The following GOT1 variants were observed in gnomAD, a reference collection of about 807,000 sequenced individuals.
GOT1 encodes aspartate aminotransferase, cytoplasmic.
GOT1 carries 25 observed loss-of-function variants against 48.2 expected under a neutral mutation model. The observed-to-expected ratio is 0.52, with a 90% CI of 0.38 to 0.72. GOT1 has a LOEUF of 0.72. Ranked by LOEUF, GOT1 falls within the 30% of genes least tolerant of loss-of-function variation. GOT1 has a pLI of 0.00. For synonymous variants in GOT1, 188 were observed against 193.8 expected, an observed-to-expected ratio of 0.97 and a Z score of 0.25; for missense variants, 380 against 520.1, an observed-to-expected ratio of 0.73 and a Z score of 2.62.
chr10:99,409,217 C>T (rs1053664447), intron 2 of GOT1, among the ~76,000 whole-genome samples: 8 of 151,952 alleles, frequency 5.3e-5, no homozygotes, highest in African/African-American at 1.9e-4. Context: ...ACTGCAACCT[C>T]CGCCTCCTGG....
chr10:99,425,816 G>A (rs768541449), intron 1 of GOT1, among the ~76,000 whole-genome samples: 1 of 152,134 alleles, frequency 6.6e-6, no homozygotes, highest in East Asian at 1.9e-4. Context: ...CTGAATTTGA[G>A]GGAGTTGTAG....
chr10:99,398,635 C>T (rs1363221221), intron 8 of GOT1, among the ~76,000 whole-genome samples: 1 of 151,848 alleles, frequency 6.6e-6, no homozygotes, highest in Non-Finnish European at 1.5e-5. Context: ...CACACCACTG[C>T]ACTCCAGCCT....
intron 5 of GOT1, among the ~76,000 whole-genome samples, chr10:99,405,248 A>G (rs892481873): frequency 3.3e-5 from 5 of 152,314 alleles, no homozygotes; most frequent in African/African-American, 1.2e-4. Context: ...CCCACCTAGA[A>G]AGTTACGCCA....
intron 3 of GOT1, 138 bp downstream of exon 3, chr10:99,406,588 C>T: frequency 1.3e-6 from 1 of 778,116 alleles, no homozygotes. Context: ...TCATGCACTG[C>T]CATAACCCAC....
At chr10:99,403,362 T>C in intron 7 of GOT1, 107 bp downstream of exon 7, 4 of 922,654 alleles carry the variant, frequency 4.3e-6, no homozygotes, top group Non-Finnish European at 6.7e-6. Flanking sequence ...AAAGTAATTT[T>C]ATCCTGCTTC....
At position 99,425,159 on chromosome 10, in the gene GOT1, G is replaced by A. The variant is rs1189274601; in HGVS notation, c.119-4354C>T. On this transcript the variant is annotated intron_variant, in intron 1 of 8. Coordinates refer to ENST00000370508, the MANE Select transcript of GOT1 (RefSeq NM_002079.3). Reference sequence around the variant, plus strand: ...ATTTTACAGAGAATGAAGAATGAAAGATGAATAAGAGTTTAAAAGGTAAAC... The same window carrying A: ...ATTTTACAGAGAATGAAGAATGAAAAATGAATAAGAGTTTAAAAGGTAAAC... Among the ~76,000 whole-genome samples the A allele has an allele frequency of 2.6e-5, 4 of 152,222 alleles. No individual in the cohort carries two copies. In the East Asian group the frequency reaches 7.7e-4, roughly 29 times the overall value.
At chr10:99,429,875 A>AC (rs1330639482) in intron 1 of GOT1, among the ~76,000 whole-genome samples, 1 of 151,760 alleles carries the variant, frequency 6.6e-6, no homozygotes, top group Non-Finnish European at 1.5e-5. Context: ...ATCTCCCCAG[A>AC]CCCCCCGGGG....
chr10:99,419,776 C>G (rs1028350799), intron 2 of GOT1, among the ~76,000 whole-genome samples: 1 of 152,170 alleles, frequency 6.6e-6, no homozygotes, highest in Non-Finnish European at 1.5e-5. Context: ...AGCTGAGAAC[C>G]AGTGTCCCGG....
At chr10:99,405,921 G>C in intron 4 of GOT1, 61 bp from the exon 5 acceptor site, 9 of 987,360 alleles carry the variant, frequency 9.1e-6, no homozygotes, top group Non-Finnish European at 1.5e-5. Context: ...GACAGAGTCA[G>C]CAGCAGATTG....
At position 99,416,431 on chromosome 10, in the gene GOT1, C is replaced by T. The variant is rs377761064; in HGVS notation, c.300+4193G>A. ...AGGAGAACTACAAACCACTGCTCAA[C>T]GAAATAAAAGAGGATACAAACAAAT... On this transcript the variant is annotated intron_variant, in intron 2 of 8. Transcript: ENST00000370508. Among the ~76,000 whole-genome samples, 10 of 151,982 alleles carry T rather than the reference C, an allele frequency of 6.6e-5. No individual in the cohort carries two copies. The South Asian group carries it at 8.3e-4, about 13-fold the overall frequency.
At chr10:99,422,264 G>GT (rs755027978) in intron 1 of GOT1, among the ~76,000 whole-genome samples, 10 of 152,172 alleles carry the variant, frequency 6.6e-5, no homozygotes, top group Non-Finnish European at 1.2e-4. Flanking sequence ...CTCCATGATT[G>GT]TAAGTTTCCT....
chr10:99,429,470 C>T lies in GOT1; in HGVS notation c.118+978G>A, dbSNP rs1317240462. 2.0e-5 allele frequency among the ~76,000 whole-genome samples: 3 copies of T among 152,022 alleles called. No individual in the cohort carries two copies. The East Asian group carries it at 5.8e-4, about 29-fold the overall frequency. On this transcript the variant is annotated intron_variant, in intron 1 of 8. Transcript: ENST00000370508. ...AAAATGATTCCACCTTCTCTTTCCA[C>T]AATTTCTAGTCCTTTTATTCTAAGT...
At chr10:99,399,614 A>T in intron 8 of GOT1, among the ~76,000 whole-genome samples, 1 of 152,056 alleles carries the variant, frequency 6.6e-6, no homozygotes, top group South Asian at 2.1e-4. Context: ...CTACAAAAAA[A>T]TCTTAAAAAT....
Position 99,403,731 on chromosome 10 carries a change from C to T in GOT1, c.786G>A (p.Gly262=), listed in dbSNP as rs1490777319. The change falls in exon 6 of 9, where the codon GGG becomes GGA. Residue 262 remains glycine (G), a synonymous_variant. Coordinates refer to ENST00000370508, the MANE Select transcript of GOT1 (RefSeq NM_002079.3). ...CCTCAGGAGAGCACTCACTGTAGAGCCCGAAGTTCTTGGAGAAGGACTGGG... is the reference window on the plus strand; with the variant it reads ...CCTCAGGAGAGCACTCACTGTAGAGTCCGAAGTTCTTGGAGAAGGACTGGG... ...FCAQSFSKNF[G]LYNERVGNLT... The T allele has an allele frequency of 8.7e-6, 14 of 1,614,034 alleles. No homozygotes were observed. The highest frequency in any genetic ancestry group is 1.7e-5 in the Admixed American group (1 of 59,994).
In GOT1 at chr10:99,420,759, C is replaced by T; in HGVS notation, c.165G>A (p.Lys55=). 1 of 1,614,090 alleles carries T rather than the reference C, an allele frequency of 6.2e-7. No individual in the cohort carries two copies. ...DCHPWVLPVV[K]KVEQKIANDN... is the part of the protein sequence containing the mutation. ...CATTAGCAATCTTCTGCTCCACTTT[C>T]TTCACTACTGGCAAAACCCAGGGAT... is the stretch of plus-strand genomic sequence containing the variant. The change falls in exon 2 of 9, where the codon AAG becomes AAA. Residue 55 remains lysine (K), a synonymous_variant. Coordinates refer to ENST00000370508, the MANE Select transcript of GOT1 (RefSeq NM_002079.3).
At position 99,406,814 on chromosome 10, in the gene GOT1, T is replaced by A. The variant is rs1407587262; in HGVS notation, c.336A>T (p.Ala112=). The part of the protein sequence containing the change: ...GGVQSLGGTG[A]LRIGADFLAR... ...CTAAGAAATCAGCTCCAATTCGAAG[T>A]GCACCTGTTCCCCCCAAAGATTGCA... The change falls in exon 3 of 9, where the codon GCA becomes GCT. Residue 112 remains alanine (A), a synonymous_variant. Transcript: ENST00000370508. The A allele has an allele frequency of 1.2e-6, 2 of 1,613,778 alleles. No homozygotes were observed. The highest frequency in any genetic ancestry group is 3.3e-5 in the Admixed American group (2 of 59,992).
chr10:99,428,091 G>C (rs771971446), intron 1 of GOT1, among the ~76,000 whole-genome samples: 6 of 152,140 alleles, frequency 3.9e-5, no homozygotes, highest in African/African-American at 1.4e-4. Context: ...TTCTCTGCAG[G>C]AGCAGTTTAT....
At chr10:99,428,228 T>C (rs1439857378) in intron 1 of GOT1, among the ~76,000 whole-genome samples, 2 of 152,236 alleles carry the variant, frequency 1.3e-5, no homozygotes, top group South Asian at 2.1e-4. Flanking sequence ...CTAACACTTA[T>C]ATAAATCCTA....
intron 1 of GOT1, among the ~76,000 whole-genome samples, chr10:99,429,796 A>G (rs1258004775): frequency 6.6e-6 from 1 of 152,088 alleles, no homozygotes; most frequent in Admixed American, 6.5e-5. Flanking sequence ...AGCTTCTACC[A>G]TCCATACTTC....
Sources: allele counts gnomAD v4.1 joint callset (sites outside exome capture counted in the v4.1 genomes callset), GRCh38; gene constraint gnomAD v4.1.1; transcripts MANE v1.5; gene names NCBI Gene and HGNC (gene_info 2026-07-23, HGNC 2026-07-21).